The following SLC24A5 variants were observed in gnomAD, a reference collection of about 807,000 sequenced individuals.
SLC24A5 encodes the protein sodium/potassium/calcium exchanger 5.
In SLC24A5, 46 loss-of-function variants were observed where a neutral mutation model predicts 51.6. The ratio of observed to expected loss-of-function variants is 0.89; its 90% CI spans 0.70 to 1.14. SLC24A5 has a LOEUF of 1.14. Among genes scored for constraint, SLC24A5 ranks in the 50% most tolerant of loss-of-function variants. The pLI, the probability that SLC24A5 is intolerant of heterozygous loss-of-function variation, is 0.00. For missense variants in SLC24A5, 581 were observed against 604.1 expected, an observed-to-expected ratio of 0.96 and a Z score of 0.40; for synonymous variants, 230 against 214.9, an observed-to-expected ratio of 1.07 and a Z score of -0.62.
intron 2 of SLC24A5, among the ~76,000 whole-genome samples, chr15:48,133,354 C>T (rs2038816801): frequency 6.6e-6 from 1 of 152,074 alleles, no homozygotes; most frequent in Admixed American, 6.6e-5. Context: ...CTTATGCAAA[C>T]CTATCTCGGC....
chr15:48,138,772 CAT>C (rs1186425014), intron 6 of SLC24A5, 195 bp from the exon 7 acceptor site: 2 of 548,770 alleles, frequency 3.6e-6, no homozygotes, highest in African/African-American at 3.8e-5. Context: ...CGGAGTATCA[CAT>C]CTTACATTGT....
At chr15:48,137,105 C>A in intron 6 of SLC24A5, 142 bp downstream of exon 6, 2 of 770,710 alleles carry the variant, frequency 2.6e-6, no homozygotes, top group East Asian at 2.7e-5. Context: ...AAGTCCCTAC[C>A]TTTAAGGAAC....
intron 6 of SLC24A5, chr15:48,138,309 T>C (rs2038952604): frequency 6.6e-6 from 1 of 152,036 alleles, no homozygotes; most frequent in African/African-American, 2.4e-5. Context: ...ATATTATCAT[T>C]ATCCTTCTAC....
intron 2 of SLC24A5, among the ~76,000 whole-genome samples, chr15:48,126,856 C>T (rs2038737323): frequency 6.6e-6 from 1 of 152,196 alleles, no homozygotes; most frequent in South Asian, 2.1e-4. Context: ...AGTTACATCA[C>T]TTTGTAGTCC....
At position 48,142,013 on chromosome 15, in the gene SLC24A5, T is replaced by C. The variant is rs1285912870; in HGVS notation, c.1181-16T>C. ...TATTGGTAAGCACATTTTAACAGTA[T>C]GCTTTTCTTTTGTAGGGAAAGGAGA... On this transcript the variant is annotated splice_polypyrimidine_tract_variant and intron_variant, in intron 8 of 8. Coordinates refer to ENST00000341459, the MANE Select transcript of SLC24A5 (RefSeq NM_205850.3). 3 of 1,578,408 alleles carry C rather than the reference T, an allele frequency of 1.9e-6. No homozygotes were observed. The highest frequency in any genetic ancestry group is 8.6e-7 in the Non-Finnish European group (1 of 1,156,502).
chr15:48,140,504 A>T (rs1221928842), intron 7 of SLC24A5: 1 of 152,162 alleles, frequency 6.6e-6, no homozygotes, highest in African/African-American at 2.4e-5. Context: ...TTTCTGAAAA[A>T]TGTTGACCTG....
chr15:48,121,032 G>C lies in SLC24A5; in HGVS notation c.-13G>C, dbSNP rs755209205. 9.9e-6 allele frequency: 16 copies of C among 1,612,500 alleles called. No homozygotes were observed. The African/African-American group carries it at 2.0e-4, about 20-fold the overall frequency. ...TTCCTGAAGCTGCACGCTGCAGTAA[G>C]AGCACAGCAGAAATGCAGACAAAAG... On this transcript the variant is annotated 5_prime_UTR_variant, in exon 1 of 9. Transcript: ENST00000341459.
At chr15:48,124,378 A>T (rs1410893611) in intron 2 of SLC24A5, 1 of 151,530 alleles carries the variant, frequency 6.6e-6, no homozygotes, top group Non-Finnish European at 1.5e-5. Flanking sequence ...TATGCTCCCA[A>T]CTCTGTTCTA....
chr15:48,134,036 T>C (rs1264986657), intron 2 of SLC24A5, among the ~76,000 whole-genome samples: 2 of 152,150 alleles, frequency 1.3e-5, no homozygotes, highest in Non-Finnish European at 2.9e-5. Flanking sequence ...ACTCAGGATA[T>C]TCCCTTTAGT....
intron 7 of SLC24A5, 105 bp downstream of exon 7, chr15:48,139,280 C>A: frequency 1.1e-6 from 1 of 921,058 alleles, no homozygotes; most frequent in Non-Finnish European, 1.7e-6. Flanking sequence ...TTCTTTTCAG[C>A]AAGATTGAAG....
intron 2 of SLC24A5, among the ~76,000 whole-genome samples, chr15:48,128,854 A>G (rs2038759435): frequency 6.6e-6 from 1 of 152,204 alleles, no homozygotes; most frequent in Non-Finnish European, 1.5e-5. Context: ...GGAACAAGAA[A>G]TAATAATAAA....
rs1379150912 is a variant in SLC24A5, at chr15:48,128,479, G to GCTTATGTTCTACTTT, written c.302-5779_302-5778insCTTATGTTCTACTTT. Among the ~76,000 whole-genome samples, 3 of 152,030 alleles carry GCTTATGTTCTACTTT rather than the reference G, an allele frequency of 2.0e-5. No homozygotes were observed. In the East Asian group the frequency reaches 5.8e-4, roughly 29 times the overall value. On this transcript the variant is annotated intron_variant, in intron 2 of 8. Coordinates refer to ENST00000341459, the MANE Select transcript of SLC24A5 (RefSeq NM_205850.3). ...TGCTTATGTTCTACTTTACATTTCAGACATAGGCAATAAGAAAGAAATGCA... is the reference window on the plus strand; with the variant it reads ...TGCTTATGTTCTACTTTACATTTCAGCTTATGTTCTACTTTACATAGGCAATAAGAAAGAAATGCA...
intron 2 of SLC24A5, chr15:48,122,252 G>A: frequency 8.4e-6 from 5 of 596,412 alleles, no homozygotes; most frequent in Admixed American, 3.0e-5. Context: ...GAACCCGGCA[G>A]TTATTATTTT....
Position 48,121,213 on chromosome 15 carries a change from G to GCTGCTA in SLC24A5, c.121+50_121+55dup, listed in dbSNP as rs1308440382. 5.8e-6 allele frequency: 9 copies of GCTGCTA among 1,554,484 alleles called. No homozygotes were observed. In the Admixed American group the frequency reaches 1.4e-4, roughly 25 times the overall value. The stretch of plus-strand genomic sequence containing the variant: ...TAGCTCTGCAGCAGCAGCTGCTGCT[G>GCTGCTA]CTGCTACCACATACAGATGAAGGGA... On this transcript the variant is annotated intron_variant, in intron 1 of 8. Coordinates refer to ENST00000341459, the MANE Select transcript of SLC24A5 (RefSeq NM_205850.3).
chr15:48,137,819 A>C (rs1345021595), intron 6 of SLC24A5: 1 of 152,176 alleles, frequency 6.6e-6, no homozygotes, highest in Non-Finnish European at 1.5e-5. Context: ...GCTGAGGTTT[A>C]CCATTGTTTA....
At chr15:48,132,946 C>G (rs928438012) in intron 2 of SLC24A5, among the ~76,000 whole-genome samples, 6 of 151,900 alleles carry the variant, frequency 3.9e-5, no homozygotes, top group African/African-American at 1.5e-4. Flanking sequence ...AGAAAAATAC[C>G]ATAACTATTA....
At chr15:48,141,925 C>T (rs1050390543) in intron 8 of SLC24A5, 104 bp from the exon 9 acceptor site, 62 of 885,082 alleles carry the variant, frequency 7.0e-5, no homozygotes, top group Admixed American at 1.1e-4. Context: ...TTTTTCAAAA[C>T]GAATCAACAA....
intron 2 of SLC24A5, among the ~76,000 whole-genome samples, chr15:48,133,836 G>A (rs373053934): frequency 6.6e-6 from 1 of 152,110 alleles, no homozygotes; most frequent in African/African-American, 2.4e-5. Context: ...TAACAGATGT[G>A]TGCAAATTTG....
chr15:48,137,023 CA>C, intron 6 of SLC24A5, 60 bp downstream of exon 6: 4 of 1,496,028 alleles, frequency 2.7e-6, no homozygotes, highest in Non-Finnish European at 3.6e-6. Flanking sequence ...TTTAAAATTT[CA>C]TTTCAATTCA....
Sources: gnomAD v4.1 joint callset for allele counts (sites outside exome capture counted in the v4.1 genomes callset) on GRCh38, gnomAD v4.1.1 for gene constraint, MANE v1.5 for transcripts, NCBI Gene and HGNC (gene_info 2026-07-23, HGNC 2026-07-21) for gene names.